The following STX16 variants were observed in gnomAD, a reference collection of about 807,000 sequenced individuals.
STX16 encodes the protein syntaxin 16, also known as syntaxin-16.
STX16 carries 28 observed loss-of-function variants against 42.7 expected under a neutral mutation model. The ratio of observed to expected loss-of-function variants is 0.66; its 90% CI spans 0.49 to 0.90. The LOEUF is 0.90. Ranked by LOEUF, STX16 falls within the 40% of genes least tolerant of loss-of-function variation. STX16 has a pLI of 0.00. For synonymous variants in STX16, 156 were observed against 155.2 expected (o/e 1.00, Z -0.04); for missense variants, 361 against 420.9 (o/e 0.86, Z 1.24).
intron 1 of STX16, among the ~76,000 whole-genome samples, chr20:58,654,774 T>C (rs2083550789): frequency 6.6e-6 from 1 of 152,248 alleles, no homozygotes; most frequent in Non-Finnish European, 1.5e-5. Flanking sequence ...TTGCTAATTT[T>C]ATTAGAGATG....
rs1424313361 is a variant in STX16 at position 58,676,043 on chromosome 20, T to C, written c.874-144T>C. On this transcript the variant is annotated intron_variant, in intron 8 of 8. Transcript: ENST00000371141. Reference sequence around the variant, plus strand: ...TGGTGATTGAATTCCGTGGGATTGATTGGAGGGATTACAATCATGTAGCCT... The same window carrying C: ...TGGTGATTGAATTCCGTGGGATTGACTGGAGGGATTACAATCATGTAGCCT... The C allele has an allele frequency of 4.7e-6, 3 of 644,486 alleles. No individual in the cohort carries two copies. The South Asian group carries it at 5.7e-5, about 12-fold the overall frequency. 39.9% of individuals were successfully genotyped at this position (644,486 alleles called of 1,614,324 possible).
At chr20:58,656,331 G>A (rs997378111) in intron 1 of STX16, among the ~76,000 whole-genome samples, 7 of 152,166 alleles carry the variant, frequency 4.6e-5, no homozygotes, top group African/African-American at 1.7e-4. Flanking sequence ...CTTAGAAGTA[G>A]CCCCAGTACT....
rs1014937094 is a variant in STX16, at chr20:58,679,486, G to T, written c.*3195G>T. 1 of 152,604 alleles carries T rather than the reference G, an allele frequency of 6.6e-6. No homozygotes were observed. Among genetic ancestry groups the T allele is most frequent in the Admixed American group, 6.5e-5 (1 of 15,300 alleles). The allele number at this position is 152,604 out of a possible 1,614,324, so 9.5% of individuals were successfully genotyped here. On this transcript the variant is annotated 3_prime_UTR_variant, in exon 9 of 9. Transcript: ENST00000371141. Reference sequence around the variant, plus strand: ...ACTTTTTGTACAATAAAGCAATCACGCAGATTAAAGAACATCCTGCAATCC... The same window carrying T: ...ACTTTTTGTACAATAAAGCAATCACTCAGATTAAAGAACATCCTGCAATCC...
At chr20:58,662,612 G>A (rs1304998545) in intron 2 of STX16, among the ~76,000 whole-genome samples, 1 of 152,180 alleles carries the variant, frequency 6.6e-6, no homozygotes, top group Non-Finnish European at 1.5e-5. Context: ...CCCAGTTCAA[G>A]CGATTCTCCT....
intron 4 of STX16, 60 bp downstream of exon 4, chr20:58,668,187 A>G (rs1382134365): frequency 1.3e-6 from 2 of 1,594,860 alleles, no homozygotes; most frequent in Non-Finnish European, 1.7e-6. Flanking sequence ...AATCTCAGAA[A>G]CTAGAGTGTT....
chr20:58,675,986 G>GCAGCAC (rs1290007568), intron 8 of STX16, among the ~76,000 whole-genome samples: 3 of 152,172 alleles, frequency 2.0e-5, no homozygotes, highest in Non-Finnish European at 2.9e-5. Context: ...GGGTAAATAA[G>GCAGCAC]CAGCACCAGG....
At position 58,663,345 on chromosome 20, in the gene STX16, G is replaced by A. The variant is rs529945446; in HGVS notation, c.144+3711G>A. 6.6e-5 allele frequency among the ~76,000 whole-genome samples: 10 copies of A among 152,358 alleles called. No individual in the cohort carries two copies. In the East Asian group the frequency reaches 1.9e-3, roughly 29 times the overall value. On this transcript the variant is annotated intron_variant, in intron 2 of 8. Coordinates refer to ENST00000371141, the MANE Select transcript of STX16 (RefSeq NM_001001433.3). ...AACAGCAAGATTTATAAGAGAGAAT[G>A]TGTATGTTCTTTCCATAGATGGAGA...
chr20:58,651,931 A>G lies in STX16; in HGVS notation c.-76A>G, dbSNP rs896287633. On this transcript the variant is annotated 5_prime_UTR_variant, in exon 1 of 9. Transcript: ENST00000371141. ...CGTGAAAGGGTGGGCCAGCCGGGCC[A>G]CGAGAAAGAAAGTGAATAAATCAGG... The G allele has an allele frequency of 6.6e-7, 1 of 1,517,674 alleles. No homozygotes were observed. The highest frequency in any genetic ancestry group is 1.4e-5 in the African/African-American group (1 of 73,012). 94.0% of individuals were successfully genotyped at this position (1,517,674 alleles called of 1,614,324 possible).
rs1174043886 is a variant in STX16, at chr20:58,676,529, A to G, written c.*238A>G. 4.3e-6 allele frequency: 2 copies of G among 467,366 alleles called. No homozygotes were observed. The highest frequency in any genetic ancestry group is 7.6e-6 in the Non-Finnish European group (2 of 264,524). The allele number at this position is 467,366 out of a possible 1,614,324, so 29.0% of individuals were successfully genotyped here. On this transcript the variant is annotated 3_prime_UTR_variant, in exon 9 of 9. Coordinates refer to ENST00000371141, the MANE Select transcript of STX16 (RefSeq NM_001001433.3). ...TAAGGACCTTTGATACTGCTGCACA[A>G]TAGAGATTGAGTTCTGGGATCAGTT... is the stretch of plus-strand genomic sequence containing the variant.
In STX16 at chr20:58,667,940, C is replaced by T. The variant is rs1166360646; in HGVS notation, c.253-47C>T. On this transcript the variant is annotated intron_variant, in intron 3 of 8. Transcript: ENST00000371141. ...CTGAGTGTAGCTGATGGAGGCAGAC[C>T]ATAGCCTGCCTGGCATCAGTGGAGT... 3 of 1,611,822 alleles carry T rather than the reference C, an allele frequency of 1.9e-6. No individual in the cohort carries two copies. The African/African-American group carries it at 4.0e-5, about 22-fold the overall frequency.
intron 1 of STX16, among the ~76,000 whole-genome samples, chr20:58,652,919 A>C (rs2083503980): frequency 6.6e-6 from 1 of 152,036 alleles, no homozygotes; most frequent in African/African-American, 2.4e-5. Context: ...GCGTTTTTTA[A>C]GGGTGGTCCT....
chr20:58,678,956 TC>T lies in STX16; in HGVS notation c.*2666del, dbSNP rs2084206059. 1 of 152,294 alleles carries T rather than the reference TC, an allele frequency of 6.6e-6. No homozygotes were observed. Among genetic ancestry groups the T allele is most frequent in the Non-Finnish European group, 1.5e-5 (1 of 68,084 alleles). 9.4% of individuals were successfully genotyped at this position (152,294 alleles called of 1,614,324 possible). A position where few individuals can be genotyped will look rare whatever the true frequency, so the allele number is the denominator to read the frequency against. ...AGTCTCCTCTGCCTGGGATGCGCCC[TC>T]TGAGAGGAGGCCTAGCAGGGCAGGC... On this transcript the variant is annotated 3_prime_UTR_variant, in exon 9 of 9. Transcript: ENST00000371141.
chr20:58,658,785 T>A (rs1015673200), intron 1 of STX16, among the ~76,000 whole-genome samples: 1 of 152,218 alleles, frequency 6.6e-6, no homozygotes, highest in African/African-American at 2.4e-5. Flanking sequence ...AAAAAGAACC[T>A]TTACTTTTCA....
At position 58,677,661 on chromosome 20, in the gene STX16, AAAAG is replaced by A. The variant is rs1293042684; in HGVS notation, c.*1371_*1374del. 1 of 152,182 alleles carries A rather than the reference AAAAG, an allele frequency of 6.6e-6. No homozygotes were observed. The highest frequency in any genetic ancestry group is 1.5e-5 in the Non-Finnish European group (1 of 68,036). 9.4% of individuals were successfully genotyped at this position (152,182 alleles called of 1,614,324 possible). Reference sequence around the variant, plus strand: ...TTTTCCATTGTTTTTGCTTCTCTTAAAAAGTTTAAGAAGAATATGACCTCATTAA... The same window carrying A: ...TTTTCCATTGTTTTTGCTTCTCTTAATTTAAGAAGAATATGACCTCATTAA... On this transcript the variant is annotated 3_prime_UTR_variant, in exon 9 of 9. Coordinates refer to ENST00000371141, the MANE Select transcript of STX16 (RefSeq NM_001001433.3).
chr20:58,666,587 C>G (rs1375522023), intron 2 of STX16, among the ~76,000 whole-genome samples: 2 of 152,064 alleles, frequency 1.3e-5, no homozygotes, highest in Non-Finnish European at 2.9e-5. Context: ...AGCCACCATG[C>G]CCAGTTAATT....
In STX16 at chr20:58,677,074, A is replaced by G. The variant is rs796271445; in HGVS notation, c.*783A>G. On this transcript the variant is annotated 3_prime_UTR_variant, in exon 9 of 9. Transcript: ENST00000371141. Reference sequence around the variant, plus strand: ...CACCTAAATTTAAGTTGGTGATTTAAATGAATCTCACATTAAAAGAAAGCT... The same window carrying G: ...CACCTAAATTTAAGTTGGTGATTTAGATGAATCTCACATTAAAAGAAAGCT... 10 of 152,780 alleles carry G rather than the reference A, an allele frequency of 6.5e-5. No homozygotes were observed. The highest frequency in any genetic ancestry group is 2.4e-4 in the African/African-American group (10 of 41,576). 9.5% of individuals were successfully genotyped at this position (152,780 alleles called of 1,614,324 possible). A position where few individuals can be genotyped will look rare whatever the true frequency, so the allele number is the denominator to read the frequency against.
intron 7 of STX16, among the ~76,000 whole-genome samples, chr20:58,672,050 TG>T (rs1431276082): frequency 1.3e-5 from 2 of 152,078 alleles, no homozygotes; most frequent in Non-Finnish European, 2.9e-5. Flanking sequence ...AAAAATATTG[TG>T]GCCGGGCACG....
At chr20:58,663,494 T>A (rs537397828) in intron 2 of STX16, among the ~76,000 whole-genome samples, 1 of 152,296 alleles carries the variant, frequency 6.6e-6, no homozygotes, top group East Asian at 1.9e-4. Flanking sequence ...TTTGAACATC[T>A]GTTGGATTTT....
rs2083466450 is a variant in STX16, at chr20:58,651,969, CG to C, written c.-32del. The C allele has an allele frequency of 1.9e-6, 3 of 1,607,142 alleles. No individual in the cohort carries two copies. The highest frequency in any genetic ancestry group is 2.2e-5 in the East Asian group (1 of 44,780). On this transcript the variant is annotated 5_prime_UTR_variant, in exon 1 of 9. Transcript: ENST00000371141. ...TGAATAAATCAGGAATATAAGTGGG[CG>C]GGGGGCCCCTGAGAGGGGGGTCGCA... is the stretch of plus-strand genomic sequence containing the variant.
Sources: allele counts gnomAD v4.1 joint callset (sites outside exome capture counted in the v4.1 genomes callset), GRCh38; gene constraint gnomAD v4.1.1; transcripts MANE v1.5; gene names NCBI Gene and HGNC (gene_info 2026-07-23, HGNC 2026-07-21).